Variants in GJB6 observed in about 807,000 individuals in gnomAD.
GJB6 encodes the protein gap junction beta-6 protein.
Under a neutral mutation model 5.4 loss-of-function variants are expected in GJB6, and 5 were observed. That is an observed-to-expected ratio of 0.92 (90% CI 0.48 to 1.93). GJB6 has a LOEUF of 1.93. Among genes scored for constraint, GJB6 ranks in the 30% most tolerant of loss-of-function variants. The pLI is 0.01. For synonymous variants in GJB6, 136 were observed against 129.6 expected, an observed-to-expected ratio of 1.05 and a Z score of -0.34; for missense variants, 298 against 326.9, an observed-to-expected ratio of 0.91 and a Z score of 0.68.
intron 4 of GJB6, among the ~76,000 whole-genome samples, chr13:20,228,630 G>C (rs368010555): frequency 6.6e-6 from 1 of 150,726 alleles, no homozygotes; most frequent in East Asian, 2.0e-4. Flanking sequence ...GACTACAGGC[G>C]CCTGCCACCA....
chr13:20,227,954 G>C (rs1321884417), intron 4 of GJB6, among the ~76,000 whole-genome samples: 2 of 152,178 alleles, frequency 1.3e-5, no homozygotes, highest in Admixed American at 1.3e-4. Context: ...TGGGTGGACA[G>C]ACTGCAGAGG....
intron 4 of GJB6, among the ~76,000 whole-genome samples, chr13:20,224,807 C>T (rs752423662): frequency 2.4e-4 from 36 of 152,242 alleles, no homozygotes; most frequent in Non-Finnish European, 3.7e-4. Context: ...TACAGGCTGT[C>T]GGGGCATGAG....
chr13:20,231,708 C>T (rs1410238269), intron 1 of GJB6, among the ~76,000 whole-genome samples: 1 of 152,184 alleles, frequency 6.6e-6, no homozygotes, highest in Admixed American at 6.5e-5. Context: ...AAGGGGACAC[C>T]CCGGTGACCC....
chr13:20,226,491 A>G (rs981913600), intron 4 of GJB6, among the ~76,000 whole-genome samples: 2 of 152,186 alleles, frequency 1.3e-5, no homozygotes, highest in Non-Finnish European at 2.9e-5. Flanking sequence ...TTTCACAGCC[A>G]AAAGAGATGG....
Position 20,228,480 on chromosome 13 carries a change from G to GTT in GJB6, c.-16+1098_-16+1099dup, listed in dbSNP as rs71306168. ...TCTTGTTTGTTTGTTTTTGTTTTTT[G>GTT]TTTTTGTTTTTTGTTTTTTTTGAGA... On this transcript the variant is annotated intron_variant, in intron 4 of 4. Coordinates refer to ENST00000647029, the MANE Select transcript of GJB6 (RefSeq NM_001110219.3). 9.3e-5 allele frequency among the ~76,000 whole-genome samples: 11 copies of GTT among 118,116 alleles called. 1 individual carries two copies. The highest frequency in any genetic ancestry group is 3.8e-4 in the African/African-American group (10 of 26,498). The allele number at this position is 118,116 out of a possible 152,430, so 77.5% of individuals were successfully genotyped here.
chr13:20,228,509 A>T (rs1869764258), intron 4 of GJB6, among the ~76,000 whole-genome samples: 1 of 146,668 alleles, frequency 6.8e-6, no homozygotes, highest in Non-Finnish European at 1.5e-5. Context: ...TTTGAGATGG[A>T]GTCTAGCTCT....
At chr13:20,228,271 T>G (rs995768789) in intron 4 of GJB6, among the ~76,000 whole-genome samples, 12 of 152,210 alleles carry the variant, frequency 7.9e-5, no homozygotes, top group Non-Finnish European at 1.3e-4. Context: ...AACTCTTTCT[T>G]CGGAAACCAG....
intron 3 of GJB6, among the ~76,000 whole-genome samples, chr13:20,230,280 T>C (rs976151368): frequency 3.3e-5 from 5 of 152,164 alleles, no homozygotes; most frequent in Non-Finnish European, 7.3e-5. Context: ...TCAATAAAAA[T>C]GAAACGTTTC....
chr13:20,226,087 C>T (rs760386780), intron 4 of GJB6, among the ~76,000 whole-genome samples: 47 of 151,844 alleles, frequency 3.1e-4, no homozygotes, highest in Non-Finnish European at 4.0e-4. Flanking sequence ...CCCTCGGGGG[C>T]GCATCAACAG....
intron 4 of GJB6, among the ~76,000 whole-genome samples, chr13:20,228,802 C>T (rs905393101): frequency 1.3e-5 from 2 of 152,088 alleles, no homozygotes; most frequent in African/African-American, 4.8e-5. Context: ...ATTCTTGATA[C>T]TAAAGCTCCA....
At chr13:20,229,147 A>AAAAAAAT (rs1276147789) in intron 4 of GJB6, among the ~76,000 whole-genome samples, 7 of 89,252 alleles carry the variant, frequency 7.8e-5, no homozygotes, top group African/African-American at 3.5e-4. Context: ...AAAAAAAAAA[A>AAAAAAAT]AAATTTTTTT....
chr13:20,222,948 A>G lies in GJB6; in HGVS notation c.533T>C (p.Val178Ala), dbSNP rs2137332025. The change falls in exon 5 of 5, where the codon GTT (valine) becomes GCT (alanine). Residue 178 changes from valine (V) to alanine (A), a missense_variant. By Grantham distance (64) the Val-to-Ala change is moderately conservative. Coordinates refer to ENST00000647029, the MANE Select transcript of GJB6 (RefSeq NM_001110219.3). ...KCGIDPCPNL[V>A]DCFISRPTEK... is the part of the protein sequence containing the mutation. ...TGTTGGCCTAGAAATAAAGCAGTCAACAAGGTTGGGGCAGGGGTCAATCCC... is the reference window on the plus strand; with the variant it reads ...TGTTGGCCTAGAAATAAAGCAGTCAGCAAGGTTGGGGCAGGGGTCAATCCC... The G allele has an allele frequency of 6.2e-7, 1 of 1,614,192 alleles. No homozygotes were observed. Among genetic ancestry groups the G allele is most frequent in the African/African-American group, 1.3e-5 (1 of 75,044 alleles).
chr13:20,227,544 C>T (rs940203573), intron 4 of GJB6, among the ~76,000 whole-genome samples: 1 of 152,120 alleles, frequency 6.6e-6, no homozygotes, highest in African/African-American at 2.4e-5. Context: ...GTGGGCTGCC[C>T]CTGGGTGCTC....
At chr13:20,226,097 G>C (rs575533929) in intron 4 of GJB6, among the ~76,000 whole-genome samples, 1 of 152,148 alleles carries the variant, frequency 6.6e-6, no homozygotes, top group African/African-American at 2.4e-5. Context: ...CGCATCAACA[G>C]GTGTGTGGAC....
Position 20,223,136 on chromosome 13 carries a change from GA to G in GJB6, c.344del (p.Phe115SerfsTer4), listed in dbSNP as rs777064837. 1 of 1,614,052 alleles carries G rather than the reference GA, an allele frequency of 6.2e-7. No homozygotes were observed. The highest frequency in any genetic ancestry group is 1.1e-5 in the South Asian group (1 of 91,072). On this transcript the variant is annotated frameshift_variant, in exon 5 of 5. Coordinates refer to ENST00000647029, the MANE Select transcript of GJB6 (RefSeq NM_001110219.3). LOFTEE classifies it low-confidence loss of function (END_TRUNC). ...KFRRGEKRND[F>X]KDIEDIKKQK... The stretch of plus-strand genomic sequence containing the variant: ...GCTTTTTAATGTCCTCTATGTCTTT[GA>G]AATCATTCCTCTTCTCTCCTCGCCT...
rs752253778 is a variant in GJB6 at position 20,222,786 on chromosome 13, G to A, written c.695C>T (p.Pro232Leu). The A allele has an allele frequency of 5.0e-6, 8 of 1,613,708 alleles. No homozygotes were observed. In the East Asian group the frequency reaches 8.9e-5, roughly 18 times the overall value. Residue 232 changes from proline (P) to leucine (L), a missense_variant, in exon 5 of 5, where the codon CCC (proline) becomes CTC (leucine). Physicochemically the swap from Pro to Leu is moderately conservative, Grantham distance 98. Transcript: ENST00000647029. ...CTTACTCTCCTTTAGGGCATGATTG[G>A]GGTGATTTTTTTGCGTCTGTGCTCT... ...SKRAQTQKNH[P>L]NHALKESKQN...
In GJB6 at chr13:20,230,743, A is replaced by C. The variant is rs184490148; in HGVS notation, c.-231T>G. ...TAAAGATGCATGAAGAGGGCGTACA[A>C]GTTAGAATTTTTCTTTCGCCATACA... On this transcript the variant is annotated 5_prime_UTR_variant, in exon 3 of 5. Transcript: ENST00000647029. 6.6e-6 allele frequency: 1 copy of C among 152,364 alleles called. No homozygotes were observed. The highest frequency in any genetic ancestry group is 6.5e-5 in the Admixed American group (1 of 15,306). The allele number at this position is 152,364 out of a possible 1,614,324, so 9.4% of individuals were successfully genotyped here. A position where few individuals can be genotyped will look rare whatever the true frequency, so the allele number is the denominator to read the frequency against.
rs1027253577 is a variant in GJB6, at chr13:20,223,004, A to G, written c.477T>C (p.Asn159=). ...TCAACACCCAGGGCAGGTGGTACCC[A>G]TTGTAAAGGAAGTAAAACACATACA... ...AFMYVFYFLY[N]GYHLPWVLKC... is the part of the protein sequence containing the mutation. Residue 159 remains asparagine (N), a synonymous_variant, in exon 5 of 5, where the codon AAT becomes AAC. Coordinates refer to ENST00000647029, the MANE Select transcript of GJB6 (RefSeq NM_001110219.3). 2 of 1,614,072 alleles carry G rather than the reference A, an allele frequency of 1.2e-6. No individual in the cohort carries two copies. The highest frequency in any genetic ancestry group is 1.7e-6 in the Non-Finnish European group (2 of 1,180,032).
chr13:20,229,150 A>AAT (rs1869874003), intron 4 of GJB6, among the ~76,000 whole-genome samples: 19 of 62,182 alleles, frequency 3.1e-4, no homozygotes, highest in South Asian at 6.3e-4. Context: ...AAAAAAAAAA[A>AAT]TTTTTTTTTT....
Sources: allele counts gnomAD v4.1 joint callset (sites outside exome capture counted in the v4.1 genomes callset), GRCh38; gene constraint gnomAD v4.1.1; transcripts MANE v1.5; gene names NCBI Gene and HGNC (gene_info 2026-07-23, HGNC 2026-07-21).